Variants in MAF observed in about 807,000 individuals in gnomAD.
MAF encodes MAF bZIP transcription factor.
A neutral mutation model predicts 22.0 loss-of-function variants in MAF; 10 were observed. That is an observed-to-expected ratio of 0.45 (90% CI 0.28 to 0.77). MAF has a LOEUF of 0.77. MAF is among the 30% of genes least tolerant of loss of function. The pLI is 0.12. For synonymous variants in MAF, 337 were observed against 255.8 expected (o/e 1.32, Z -3.03); for missense variants, 544 against 548.4 (o/e 0.99, Z 0.08).
chr16:79,471,309 C>T, the MAF span, among the ~76,000 whole-genome samples: 3 of 152,234 alleles, frequency 2.0e-5, no homozygotes, highest in Middle Eastern at 3.2e-3. Context: ...ACAGAACCCT[C>T]AACTCCAAAT....
At chr16:79,597,219 C>T in intron 1 of MAF, 10 of 1,052,058 alleles carry the variant, frequency 9.5e-6, no homozygotes, top group Non-Finnish European at 9.2e-6. Flanking sequence ...CTAAACAGAC[C>T]TAACTCTTTC....
chr16:79,393,658 C>T, the MAF span, among the ~76,000 whole-genome samples: 1 of 152,110 alleles, frequency 6.6e-6, no homozygotes, highest in African/African-American at 2.4e-5. Context: ...AGGATTATTC[C>T]AGAAAGGTGG....
At chr16:79,286,940 C>CA in the MAF span, among the ~76,000 whole-genome samples, 1 of 152,000 alleles carries the variant, frequency 6.6e-6, no homozygotes, top group African/African-American at 2.4e-5. Flanking sequence ...GACTCTCTGG[C>CA]AAAAAACCAA....
the MAF span, among the ~76,000 whole-genome samples, chr16:79,565,306 G>A: frequency 6.6e-6 from 1 of 152,190 alleles, no homozygotes; most frequent in African/African-American, 2.4e-5. Flanking sequence ...CGATGGCAGG[G>A]TTGAGCAGCT....
chr16:79,315,201 G>T, the MAF span, among the ~76,000 whole-genome samples: 1 of 152,076 alleles, frequency 6.6e-6, no homozygotes, highest in African/African-American at 2.4e-5. Flanking sequence ...TGCCCTTGTG[G>T]AGTTTACATT....
chr16:79,343,902 G>C, the MAF span, among the ~76,000 whole-genome samples: 1 of 152,162 alleles, frequency 6.6e-6, no homozygotes, highest in Non-Finnish European at 1.5e-5. Context: ...ACAGTTAAAA[G>C]CAAAACTGGA....
At chr16:79,330,208 C>T in the MAF span, among the ~76,000 whole-genome samples, 82 of 152,272 alleles carry the variant, frequency 5.4e-4, 2 homozygotes, top group East Asian at 0.015. Context: ...TATGGTTCAA[C>T]ATTCTTTATG....
At chr16:79,415,052 C>A in the MAF span, among the ~76,000 whole-genome samples, 104 of 152,294 alleles carry the variant, frequency 6.8e-4, no homozygotes, top group African/African-American at 2.4e-3. Context: ...CAAAACTATT[C>A]CCATGCCCAG....
chr16:79,438,153 C>T, the MAF span, among the ~76,000 whole-genome samples: 1 of 152,150 alleles, frequency 6.6e-6, no homozygotes, highest in Non-Finnish European at 1.5e-5. Context: ...AGGAGGTTCC[C>T]ACATGCCAAG....
the MAF span, among the ~76,000 whole-genome samples, chr16:79,293,196 T>A: frequency 4.6e-5 from 7 of 152,252 alleles, no homozygotes; most frequent in Non-Finnish European, 2.9e-5. Flanking sequence ...GGGGTCTGGA[T>A]CAGGATTCCT....
the MAF span, among the ~76,000 whole-genome samples, chr16:79,535,380 A>G: frequency 6.6e-6 from 1 of 150,794 alleles, no homozygotes; most frequent in Non-Finnish European, 1.5e-5. Context: ...CAGTGCTTCC[A>G]CCCAGAAATC....
downstream of MAF, among the ~76,000 whole-genome samples, chr16:79,582,847 G>T (rs1251492858): frequency 1.3e-5 from 2 of 152,162 alleles, no homozygotes; most frequent in Non-Finnish European, 2.9e-5. Flanking sequence ...GTGGGTGGGG[G>T]ATTTACTCTT....
At chr16:79,561,802 G>T in the MAF span, among the ~76,000 whole-genome samples, 1 of 152,146 alleles carries the variant, frequency 6.6e-6, no homozygotes, top group Non-Finnish European at 1.5e-5. Context: ...GAGAGGAGAC[G>T]GTGTGTTTGG....
chr16:79,570,580 G>C, the MAF span, among the ~76,000 whole-genome samples: 1 of 152,232 alleles, frequency 6.6e-6, no homozygotes, highest in Admixed American at 6.5e-5. Context: ...TGTTGAAATC[G>C]TTCATCTGGG....
At chr16:79,288,931 T>C in the MAF span, among the ~76,000 whole-genome samples, 1 of 152,122 alleles carries the variant, frequency 6.6e-6, no homozygotes, top group Admixed American at 6.5e-5. Context: ...GGTTTCACCA[T>C]GTTGGCCAGG....
chr16:79,368,696 T>C, the MAF span, among the ~76,000 whole-genome samples: 1 of 152,176 alleles, frequency 6.6e-6, no homozygotes, highest in African/African-American at 2.4e-5. Flanking sequence ...TCAATGACAA[T>C]GGCTAGTGTA....
At chr16:79,566,084 A>G in the MAF span, among the ~76,000 whole-genome samples, 1 of 152,198 alleles carries the variant, frequency 6.6e-6, no homozygotes, top group Admixed American at 6.5e-5. Flanking sequence ...ACGCAACCAA[A>G]CAAAACCCAA....
the MAF span, among the ~76,000 whole-genome samples, chr16:79,419,189 A>G: frequency 6.6e-6 from 1 of 152,132 alleles, no homozygotes; most frequent in Non-Finnish European, 1.5e-5. Context: ...GGTGCTCAGA[A>G]GTTTAATATC....
the MAF span, among the ~76,000 whole-genome samples, chr16:79,265,103 T>C: frequency 6.6e-6 from 1 of 152,178 alleles, no homozygotes; most frequent in Admixed American, 6.5e-5. Context: ...TGGGAGGTAA[T>C]ATATTCAAAG....
Sources: allele counts gnomAD v4.1 joint callset (sites outside exome capture counted in the v4.1 genomes callset), GRCh38; gene constraint gnomAD v4.1.1; transcripts MANE v1.5; gene names NCBI Gene and HGNC (gene_info 2026-07-23, HGNC 2026-07-21).